Variants in UCK2 observed in about 807,000 individuals in gnomAD.
UCK2 encodes uridine-cytidine kinase 2, also known as cytidine monophosphokinase 2.
Under a neutral mutation model 30.8 loss-of-function variants are expected in UCK2, and 6 were observed. The ratio of observed to expected loss-of-function variants is 0.19; its 90% CI spans 0.11 to 0.38. UCK2 has a LOEUF of 0.38. UCK2 is among the 10% of genes least tolerant of loss of function. UCK2 has a pLI of 1.00. For synonymous variants in UCK2, 125 were observed against 133.6 expected, an observed-to-expected ratio of 0.94 and a Z score of 0.45; for missense variants, 210 against 339.8, an observed-to-expected ratio of 0.62 and a Z score of 3.00.
In UCK2 at chr1:165,837,313, C is replaced by T. The variant is rs184527644; in HGVS notation, c.99+9381C>T. Among the ~76,000 whole-genome samples, 146 of 152,284 alleles carry T rather than the reference C, an allele frequency of 9.6e-4. 1 individual carries two copies. The highest frequency in any genetic ancestry group is 3.4e-3 in the African/African-American group (143 of 41,564). On this transcript the variant is annotated intron_variant, in intron 1 of 6. Coordinates refer to ENST00000367879, the MANE Select transcript of UCK2 (RefSeq NM_012474.5). ...ACATTTTGACAGTTCTGTAACTAGC[C>T]TTGAGTATCCTGTAATTGTTACCAC...
chr1:165,869,784 G>A (rs536525696), intron 1 of UCK2, among the ~76,000 whole-genome samples: 31 of 148,766 alleles, frequency 2.1e-4, no homozygotes, highest in African/African-American at 7.2e-4. Context: ...GCCTTCCAAA[G>A]TGCTGGGATT....
chr1:165,852,122 T>C (rs1033732123), intron 1 of UCK2, among the ~76,000 whole-genome samples: 12 of 152,216 alleles, frequency 7.9e-5, no homozygotes, highest in African/African-American at 2.9e-4. Flanking sequence ...CTGGGTCAAA[T>C]GGCATTTCTG....
At chr1:165,832,841 C>A (rs1654085278) in intron 1 of UCK2, among the ~76,000 whole-genome samples, 1 of 152,126 alleles carries the variant, frequency 6.6e-6, no homozygotes, top group Non-Finnish European at 1.5e-5. Flanking sequence ...TCCGCCTCAG[C>A]CTCCCAAAGT....
intron 1 of UCK2, among the ~76,000 whole-genome samples, chr1:165,888,690 C>T (rs1230078003): frequency 7.3e-6 from 1 of 136,944 alleles, no homozygotes; most frequent in Non-Finnish European, 1.5e-5. Context: ...ACTGTGTTGC[C>T]CAGGCTGGTC....
Position 165,890,260 on chromosome 1 carries a change from C to A in UCK2, c.156C>A (p.Arg52=). The A allele has an allele frequency of 6.2e-7, 1 of 1,614,132 alleles. No individual in the cohort carries two copies. The highest frequency in any genetic ancestry group is 1.3e-5 in the African/African-American group (1 of 75,028). Residue 52 remains arginine (R), a synonymous_variant, in exon 2 of 7, where the codon CGC becomes CGA. Coordinates refer to ENST00000367879, the MANE Select transcript of UCK2 (RefSeq NM_012474.5). ...TGGGGCAGAATGAGGTGGACTATCG[C>A]CAGAAGCAGGTGGTCATCCTGAGCC... ...QLLGQNEVDY[R]QKQVVILSQD...
At chr1:165,874,311 G>T in intron 1 of UCK2, among the ~76,000 whole-genome samples, 1 of 152,056 alleles carries the variant, frequency 6.6e-6, no homozygotes, top group East Asian at 1.9e-4. Context: ...ACTCCAATAG[G>T]GATGACACCA....
chr1:165,896,047 A>G, intron 3 of UCK2, 143 bp from the exon 4 acceptor site: 2 of 1,073,948 alleles, frequency 1.9e-6, no homozygotes, highest in African/African-American at 1.6e-5. Context: ...GTAAGACCAT[A>G]TTAGCCAAGT....
intron 1 of UCK2, among the ~76,000 whole-genome samples, chr1:165,871,989 C>G (rs1479716025): frequency 6.6e-6 from 1 of 150,928 alleles, no homozygotes; most frequent in Non-Finnish European, 1.5e-5. Flanking sequence ...CAAACCAGTT[C>G]CAGAAGAACA....
intron 1 of UCK2, among the ~76,000 whole-genome samples, chr1:165,847,250 A>G (rs1654473745): frequency 6.6e-6 from 1 of 152,238 alleles, no homozygotes; most frequent in African/African-American, 2.4e-5. Flanking sequence ...AATGGGTACC[A>G]AAGTAGTGCC....
At chr1:165,886,819 A>G (rs369329169) in intron 1 of UCK2, among the ~76,000 whole-genome samples, 1 of 152,192 alleles carries the variant, frequency 6.6e-6, no homozygotes, top group East Asian at 1.9e-4. Context: ...ATTCAAACCT[A>G]CACAACAATA....
At chr1:165,887,864 G>T (rs895124563) in intron 1 of UCK2, among the ~76,000 whole-genome samples, 1 of 151,510 alleles carries the variant, frequency 6.6e-6, no homozygotes, top group African/African-American at 2.4e-5. Context: ...AAGTTTTACT[G>T]TTCTGTGATA....
At chr1:165,859,793 C>G (rs1263236898) in intron 1 of UCK2, among the ~76,000 whole-genome samples, 1 of 152,122 alleles carries the variant, frequency 6.6e-6, no homozygotes, top group African/African-American at 2.4e-5. Context: ...TGAACTAAGT[C>G]ATGAGTGAGA....
At position 165,909,581 on chromosome 1, in the gene UCK2, AC is replaced by A. The variant is rs1412343270; in HGVS notation, c.*1761del. 6.6e-6 allele frequency: 1 copy of A among 152,136 alleles called. No individual in the cohort carries two copies. Among genetic ancestry groups the A allele is most frequent in the Non-Finnish European group, 1.5e-5 (1 of 68,024 alleles). The allele number at this position is 152,136 out of a possible 1,614,324, so 9.4% of individuals were successfully genotyped here. On this transcript the variant is annotated 3_prime_UTR_variant, in exon 7 of 7. Transcript: ENST00000367879. ...AACCTGGTCCCCAGCAGAGCTTGCC[AC>A]CCGGAGACTTTCAGGAGACCGTGCA...
chr1:165,855,639 A>C (rs920975286), intron 1 of UCK2, among the ~76,000 whole-genome samples: 3 of 151,908 alleles, frequency 2.0e-5, no homozygotes, highest in African/African-American at 7.3e-5. Context: ...GAGCAGTAGA[A>C]TATGTGCTAC....
intron 4 of UCK2, among the ~76,000 whole-genome samples, chr1:165,901,671 T>C (rs572850265): frequency 1.3e-5 from 2 of 152,262 alleles, no homozygotes; most frequent in Admixed American, 6.5e-5. Flanking sequence ...TAAGGTTAGA[T>C]TAAGATAGCA....
intron 5 of UCK2, among the ~76,000 whole-genome samples, chr1:165,904,654 A>G (rs370023295): frequency 5.4e-4 from 82 of 152,326 alleles, no homozygotes; most frequent in African/African-American, 1.9e-3. Flanking sequence ...AGATCAGCTC[A>G]TTCCCCTGTA....
intron 1 of UCK2, among the ~76,000 whole-genome samples, chr1:165,888,346 ACATGG>A (rs1655674753): frequency 6.6e-6 from 1 of 151,740 alleles, no homozygotes; most frequent in Non-Finnish European, 1.5e-5. Flanking sequence ...AGGTTGGAGT[ACATGG>A]CACGATCTCA....
intron 1 of UCK2, among the ~76,000 whole-genome samples, chr1:165,831,599 C>A (rs1246879995): frequency 2.6e-5 from 4 of 152,122 alleles, no homozygotes; most frequent in South Asian, 4.1e-4. Context: ...AAAATCTGCT[C>A]CATTACACTG....
intron 2 of UCK2, 91 bp downstream of exon 2, chr1:165,890,454 C>T (rs931853702): frequency 9.6e-5 from 126 of 1,318,952 alleles, no homozygotes; most frequent in African/African-American, 3.2e-4. Flanking sequence ...CTTAACCTCT[C>T]GGAATCTTGT....
Sources: allele counts gnomAD v4.1 joint callset (sites outside exome capture counted in the v4.1 genomes callset), GRCh38; gene constraint gnomAD v4.1.1; transcripts MANE v1.5; gene names NCBI Gene and HGNC (gene_info 2026-07-23, HGNC 2026-07-21).